Variants in IPO11 observed in about 807,000 individuals in gnomAD.
IPO11 encodes importin-11.
A neutral mutation model predicts 143.2 loss-of-function variants in IPO11; 66 were observed. The ratio of observed to expected loss-of-function variants is 0.46; its 90% CI spans 0.38 to 0.57. The LOEUF is 0.57. Ranked by LOEUF, IPO11 falls within the 20% of genes least tolerant of loss-of-function variation. The pLI is 0.00. For missense variants in IPO11, 1,026 were observed against 1,141.0 expected (o/e 0.90, Z 1.45); for synonymous variants, 385 against 377.8 (o/e 1.02, Z -0.22).
At chr5:62,435,142 A>ATATGTATATATATG (rs1174824069) in intron 1 of IPO11, among the ~76,000 whole-genome samples, 7 of 60,040 alleles carry the variant, frequency 1.2e-4, no homozygotes, top group African/African-American at 5.3e-4. Flanking sequence ...ATATGTATAT[A>ATATGTATATATATG]TGTATATATG....
In IPO11 at chr5:62,509,975, T is replaced by C. The variant is rs942572120; in HGVS notation, c.1782+3618T>C. On this transcript the variant is annotated intron_variant, in intron 19 of 29. Coordinates refer to ENST00000325324, the MANE Select transcript of IPO11 (RefSeq NM_016338.5). ...TTCATTTTTTTTGGAAGCTCAATGC[T>C]ACTTTCCATAGTGGCTGTAACATTT... Among the ~76,000 whole-genome samples, 4 of 152,360 alleles carry C rather than the reference T, an allele frequency of 2.6e-5. No homozygotes were observed. In the East Asian group the frequency reaches 7.7e-4, roughly 29 times the overall value.
At chr5:62,548,015 T>TA (rs1743264656) in intron 24 of IPO11, among the ~76,000 whole-genome samples, 1 of 151,462 alleles carries the variant, frequency 6.6e-6, no homozygotes, top group South Asian at 2.1e-4. Context: ...TGTTCAGATC[T>TA]GTAAATAACA....
chr5:62,503,377 ATATTAATAGTAT>A (rs1741418987), intron 16 of IPO11, among the ~76,000 whole-genome samples: 2 of 145,156 alleles, frequency 1.4e-5, no homozygotes, highest in African/African-American at 5.0e-5. Flanking sequence ...ATCTACTAAT[ATATTAATAGTAT>A]CTATTAATAT....
chr5:62,554,858 G>A (rs897209688), intron 26 of IPO11, among the ~76,000 whole-genome samples: 9 of 152,040 alleles, frequency 5.9e-5, no homozygotes, highest in Non-Finnish European at 1.2e-4. Context: ...TGGGCTTACA[G>A]GCACACACCA....
chr5:62,470,362 T>G, intron 7 of IPO11, 54 bp downstream of exon 7: 1 of 1,466,798 alleles, frequency 6.8e-7, no homozygotes, highest in Non-Finnish European at 9.5e-7. Flanking sequence ...TTTTCCTGAA[T>G]GTTTGAAAGA....
chr5:62,614,018 T>C (rs556427466), intron 29 of IPO11, among the ~76,000 whole-genome samples: 23 of 152,236 alleles, frequency 1.5e-4, no homozygotes, highest in Non-Finnish European at 1.6e-4. Flanking sequence ...TGACAGACTT[T>C]AAAACAGCTG....
At chr5:62,596,268 CAAAA>C (rs71608515) in intron 28 of IPO11, among the ~76,000 whole-genome samples, 2 of 95,678 alleles carry the variant, frequency 2.1e-5, no homozygotes, top group Non-Finnish European at 3.9e-5. Flanking sequence ...GGCCCTGTCT[CAAAA>C]AAAAAAAAAA....
intron 24 of IPO11, among the ~76,000 whole-genome samples, chr5:62,543,207 ATC>A (rs1231088427): frequency 6.6e-6 from 1 of 152,218 alleles, no homozygotes; most frequent in Admixed American, 6.5e-5. Context: ...AGTAAATTGA[ATC>A]CTGCATTTTT....
intron 22 of IPO11, among the ~76,000 whole-genome samples, chr5:62,531,576 C>T (rs1742546810): frequency 6.6e-6 from 1 of 152,144 alleles, no homozygotes; most frequent in Non-Finnish European, 1.5e-5. Flanking sequence ...GATCTGCCTG[C>T]CTTGGCCTCC....
intron 1 of IPO11, among the ~76,000 whole-genome samples, chr5:62,426,602 T>A (rs1743751967): frequency 6.6e-6 from 1 of 152,040 alleles, no homozygotes; most frequent in Non-Finnish European, 1.5e-5. Flanking sequence ...AATATCTAAT[T>A]CCTATGGAAA....
At chr5:62,584,392 A>G (rs967276038) in intron 27 of IPO11, among the ~76,000 whole-genome samples, 2 of 152,110 alleles carry the variant, frequency 1.3e-5, no homozygotes, top group African/African-American at 4.8e-5. Context: ...GAGCTCAGGA[A>G]TTCGAGACCA....
intron 19 of IPO11, among the ~76,000 whole-genome samples, chr5:62,513,572 G>T (rs570910836): frequency 6.8e-6 from 1 of 146,176 alleles, no homozygotes; most frequent in Non-Finnish European, 1.5e-5. Context: ...CGGACGGGGC[G>T]GCTGGCTGGG....
intron 20 of IPO11, among the ~76,000 whole-genome samples, chr5:62,516,142 A>C (rs1742007748): frequency 6.6e-6 from 1 of 152,166 alleles, no homozygotes; most frequent in African/African-American, 2.4e-5. Context: ...AAGTTTGAGA[A>C]ATTTTCCAGT....
chr5:62,516,927 G>A (rs1220960946), intron 20 of IPO11, among the ~76,000 whole-genome samples: 3 of 151,692 alleles, frequency 2.0e-5, no homozygotes, highest in Non-Finnish European at 4.4e-5. Context: ...GGCTGGGCGT[G>A]GTGGCTCAAG....
chr5:62,579,324 C>T (rs764085834), intron 27 of IPO11: 148 of 904,332 alleles, frequency 1.6e-4, no homozygotes, highest in Non-Finnish European at 2.3e-4. Context: ...AAATAGAATA[C>T]AGAAGTTATA....
rs1308465925 is a variant in IPO11 at position 62,537,264 on chromosome 5, C to T, written c.2225C>T (p.Thr742Ile). 19 of 1,603,380 alleles carry T rather than the reference C, an allele frequency of 1.2e-5. No individual in the cohort carries two copies. The highest frequency in any genetic ancestry group is 1.5e-5 in the Non-Finnish European group (17 of 1,171,520). Residue 742 changes from threonine to isoleucine, a missense_variant, in exon 24 of 30, where the codon ACA (threonine) becomes ATA (isoleucine). Physicochemically the swap from Thr to Ile is moderately conservative, Grantham distance 89. This residue lies in a region of IPO11 where 351 missense variants were observed against 358.9 expected (regional missense o/e 0.98). Transcript: ENST00000325324. ...SFCELLKEIT[T>I]EGQVQVLKVV... ...TGTGAACTTTTAAAGGAAATTACTA[C>T]AGAAGGTCAAGTTCAGGTGCTCAAG... is the stretch of plus-strand genomic sequence containing the variant.
intron 15 of IPO11, 47 bp from the exon 16 acceptor site, chr5:62,493,951 C>T: frequency 1.3e-6 from 2 of 1,497,812 alleles, no homozygotes; most frequent in Non-Finnish European, 9.1e-7. Context: ...AGAAATAGAC[C>T]TCTTAAAATA....
intron 21 of IPO11, among the ~76,000 whole-genome samples, 190 bp from the exon 22 acceptor site, chr5:62,530,519 T>C (rs1196869690): frequency 6.6e-6 from 1 of 152,254 alleles, no homozygotes; most frequent in Non-Finnish European, 1.5e-5. Flanking sequence ...TGTAGAAATA[T>C]TACATAATTT....
chr5:62,415,051 A>G (rs906197710), intron 1 of IPO11, among the ~76,000 whole-genome samples: 4 of 152,212 alleles, frequency 2.6e-5, no homozygotes, highest in African/African-American at 7.2e-5. Context: ...ATGAATGACA[A>G]TTAGGTGTTC....
Sources: gnomAD v4.1 joint callset for allele counts (sites outside exome capture counted in the v4.1 genomes callset) on GRCh38, gnomAD v4.1.1 for gene constraint, gnomAD v4.1.1 regional missense constraint, MANE v1.5 for transcripts, NCBI Gene and HGNC (gene_info 2026-07-23, HGNC 2026-07-21) for gene names.